Variants in ABCG1 observed in about 807,000 individuals in gnomAD.
The protein encoded by ABCG1 is ATP binding cassette subfamily G member 1.
Under a neutral mutation model 69.2 loss-of-function variants are expected in ABCG1, and 29 were observed. The ratio of observed to expected loss-of-function variants is 0.42; its 90% CI spans 0.31 to 0.57. The LOEUF (loss-of-function observed/expected upper bound fraction) is 0.57. Among genes scored for constraint, ABCG1 ranks in the 20% least tolerant of loss-of-function variants. The pLI is 0.15. For missense variants in ABCG1, 718 were observed against 898.1 expected (o/e 0.80, Z 2.56); for synonymous variants, 370 against 374.8 (o/e 0.99, Z 0.15).
chr21:42,225,437 A>G (rs968627748), intron 1 of ABCG1, among the ~76,000 whole-genome samples: 9 of 152,332 alleles, frequency 5.9e-5, no homozygotes, highest in African/African-American at 2.2e-4. Context: ...CCAAAGTAAG[A>G]CTTGTAGATC....
Position 42,287,818 on chromosome 21 carries a change from G to A in ABCG1, c.974-71G>A, listed in dbSNP as rs190338799. 422 of 1,456,198 alleles carry A rather than the reference G, an allele frequency of 2.9e-4. No homozygotes were observed. In the African/African-American group the frequency reaches 3.2e-3, roughly 11 times the overall value. 90.2% of individuals were successfully genotyped at this position (1,456,198 alleles called of 1,614,324 possible). A position where few individuals can be genotyped will look rare whatever the true frequency, so the allele number is the denominator to read the frequency against. Reference sequence around the variant, plus strand: ...TTTAAAACATTCCCACTTGAATAACGACTTTCGCATTTGGGTGGTTGGGGT... The same window carrying A: ...TTTAAAACATTCCCACTTGAATAACAACTTTCGCATTTGGGTGGTTGGGGT... On this transcript the variant is annotated intron_variant, in intron 8 of 14. Transcript: ENST00000398449. This position sits in a 1 kb window ranked among gnomAD's most constrained non-coding sequence, Gnocchi z 6.2.
At chr21:42,285,823 C>T (rs558586366) in intron 7 of ABCG1, 57 bp from the exon 8 acceptor site, 42 of 1,205,142 alleles carry the variant, frequency 3.5e-5, no homozygotes, top group Non-Finnish European at 4.6e-5. Context: ...TTGAGGGCTC[C>T]GGTTGCCTTC....
chr21:42,228,704 C>A (rs1301421905), intron 2 of ABCG1, among the ~76,000 whole-genome samples: 1 of 152,172 alleles, frequency 6.6e-6, no homozygotes, highest in Non-Finnish European at 1.5e-5. Context: ...GGAAGCAGAG[C>A]TCTTCCTGGA....
At chr21:42,284,474 A>T (rs909542206) in intron 6 of ABCG1, 86 bp from the exon 7 acceptor site, 25 of 1,518,446 alleles carry the variant, frequency 1.6e-5, no homozygotes, top group Non-Finnish European at 2.0e-5. Flanking sequence ...GCCCTCTGGG[A>T]CAGGAACTCC....
intron 10 of ABCG1, 23 bp from the exon 11 acceptor site, chr21:42,290,027 G>A (rs1453610789): frequency 1.6e-5 from 26 of 1,614,128 alleles, no homozygotes; most frequent in African/African-American, 2.7e-5. Flanking sequence ...AACGCACTGG[G>A]TAAGATGCGG....
At chr21:42,212,711 T>A (rs1000214686), upstream of ABCG1, among the ~76,000 whole-genome samples, 349 of 151,844 alleles carry the variant, frequency 2.3e-3, 1 homozygote, top group African/African-American at 8.0e-3. Flanking sequence ...ACAGATTTTT[T>A]TTTTTTTTTT....
intron 2 of ABCG1, chr21:42,260,011 G>T: frequency 6.7e-7 from 1 of 1,488,294 alleles, no homozygotes; most frequent in Non-Finnish European, 9.1e-7. Flanking sequence ...TCCTGCACGT[G>T]GTCAGTCCAA....
rs763969215 is a variant in ABCG1, at chr21:42,288,216, C to T, written c.1128C>T (p.Ser376=). ...CCTCTTGCGTGTGTCCTCAGGACTC[C>T]TCGTCCATGGAAGGCTGCCACAGCT... ...FLWHRPSEED[S]SSMEGCHSFS... The change falls in exon 10 of 15, where the codon TCC becomes TCT. Residue 376 remains serine, a synonymous_variant. Coordinates refer to ENST00000398449, the MANE Select transcript of ABCG1 (RefSeq NM_016818.3). The surrounding 1 kb of genome is among the most constrained non-coding windows in gnomAD (Gnocchi z 4.8). 20 of 1,614,114 alleles carry T rather than the reference C, an allele frequency of 1.2e-5. No homozygotes were observed. The highest frequency in any genetic ancestry group is 1.7e-5 in the Non-Finnish European group (20 of 1,179,980).
Position 42,296,647 on chromosome 21 carries a change from A to C in ABCG1, c.*255A>C. 2 of 480,300 alleles carry C rather than the reference A, an allele frequency of 4.2e-6. No homozygotes were observed. The highest frequency in any genetic ancestry group is 7.6e-6 in the Non-Finnish European group (2 of 262,358). 29.8% of individuals were successfully genotyped at this position (480,300 alleles called of 1,614,324 possible). On this transcript the variant is annotated 3_prime_UTR_variant, in exon 15 of 15. Transcript: ENST00000398449. The surrounding 1 kb of genome is among the most constrained non-coding windows in gnomAD (Gnocchi z 5.4). ...TGGTTTTTTTTTTTTTAACATACAG[A>C]ATTTTAAATACCACAACTGGGGCAG... is the stretch of plus-strand genomic sequence containing the variant.
At position 42,228,382 on chromosome 21, in the gene ABCG1, C is replaced by T. The variant is rs949491987; in HGVS notation, c.286+2468C>T. Among the ~76,000 whole-genome samples, 5 of 152,162 alleles carry T rather than the reference C, an allele frequency of 3.3e-5. No individual in the cohort carries two copies. In the East Asian group the frequency reaches 5.8e-4, roughly 18 times the overall value. The stretch of plus-strand genomic sequence containing the variant: ...TAGTTTTGCTGTCTGGCTTCCTACC[C>T]ACTGCCCTCCCCAGCCACAGCAGCA... On this transcript the variant is annotated intron_variant, in intron 2 of 14. Coordinates refer to ENST00000398449, the MANE Select transcript of ABCG1 (RefSeq NM_016818.3).
chr21:42,296,563 G>A lies in ABCG1; in HGVS notation c.*171G>A. 3.3e-6 allele frequency: 2 copies of A among 615,108 alleles called. No individual in the cohort carries two copies. Among genetic ancestry groups the A allele is most frequent in the East Asian group, 5.6e-5 (2 of 35,974 alleles). 38.1% of individuals were successfully genotyped at this position (615,108 alleles called of 1,614,324 possible). Reference sequence around the variant, plus strand: ...GTGCTCAGCCACTCTGCCCAGCTGGGTTGGATCTTCTCTCCATTCCCCTTT... The same window carrying A: ...GTGCTCAGCCACTCTGCCCAGCTGGATTGGATCTTCTCTCCATTCCCCTTT... On this transcript the variant is annotated 3_prime_UTR_variant, in exon 15 of 15. Transcript: ENST00000398449. The surrounding 1 kb of genome is among the most constrained non-coding windows in gnomAD (Gnocchi z 5.4).
intron 2 of ABCG1, among the ~76,000 whole-genome samples, chr21:42,256,964 T>G (rs1376910734): frequency 6.6e-6 from 1 of 152,214 alleles, no homozygotes; most frequent in Non-Finnish European, 1.5e-5. Context: ...TGTTGTGATG[T>G]TTTGTCTGTA....
At chr21:42,214,298 C>T (rs774351241), upstream of ABCG1, among the ~76,000 whole-genome samples, 3 of 152,370 alleles carry the variant, frequency 2.0e-5, no homozygotes, top group South Asian at 6.2e-4. Flanking sequence ...GAGGCGCCAT[C>T]TATGAGGAAC....
At chr21:42,228,787 G>A (rs551302079) in intron 2 of ABCG1, among the ~76,000 whole-genome samples, 1 of 152,338 alleles carries the variant, frequency 6.6e-6, no homozygotes, top group South Asian at 2.1e-4. Flanking sequence ...TCCTGCCAAA[G>A]GGTGCTAGCT....
chr21:42,270,335 A>G (rs1294421629), intron 2 of ABCG1, among the ~76,000 whole-genome samples: 2 of 148,022 alleles, frequency 1.4e-5, no homozygotes, highest in South Asian at 2.1e-4. Context: ...CTGTTTTATT[A>G]TTTACAGCAC....
intron 2 of ABCG1, among the ~76,000 whole-genome samples, chr21:42,254,889 A>G (rs1427131804): frequency 6.6e-6 from 1 of 152,324 alleles, no homozygotes; most frequent in South Asian, 2.1e-4. Flanking sequence ...GGCTCATCCC[A>G]TCAATGTTGG....
At position 42,283,467 on chromosome 21, in the gene ABCG1, C is replaced by T. The variant is rs562136575; in HGVS notation, c.734+1048C>T. On this transcript the variant is annotated intron_variant, in intron 6 of 14. Coordinates refer to ENST00000398449, the MANE Select transcript of ABCG1 (RefSeq NM_016818.3). ...CTAGGAAAGGAGAAGAGAGGTCCCC[C>T]CAGGACCCTGCTGGACAGTGAAACA... is the stretch of plus-strand genomic sequence containing the variant. Among the ~76,000 whole-genome samples, 6 of 152,298 alleles carry T rather than the reference C, an allele frequency of 3.9e-5. No individual in the cohort carries two copies. In the South Asian group the frequency reaches 1.2e-3, roughly 32 times the overall value.
chr21:42,228,284 G>A (rs1374089513), intron 2 of ABCG1, among the ~76,000 whole-genome samples: 1 of 152,180 alleles, frequency 6.6e-6, no homozygotes, highest in Non-Finnish European at 1.5e-5. Context: ...TCAGAAATGG[G>A]TGGAGCCAGA....
chr21:42,266,309 T>TAAAATAAAATA (rs370054478), intron 2 of ABCG1, among the ~76,000 whole-genome samples: 2 of 150,710 alleles, frequency 1.3e-5, no homozygotes, highest in African/African-American at 4.9e-5. Flanking sequence ...TCAAAATAAA[T>TAAAATAAAATA]AAATAAAATA....
Sources: gnomAD v4.1 joint callset for allele counts (sites outside exome capture counted in the v4.1 genomes callset) on GRCh38, gnomAD v4.1.1 for gene constraint, Gnocchi (gnomAD v3.1) non-coding constraint, MANE v1.5 for transcripts, NCBI Gene and HGNC (gene_info 2026-07-23, HGNC 2026-07-21) for gene names.